OPCML: variants seen among roughly 807,000 people sequenced by gnomAD.
OPCML encodes opioid-binding protein/cell adhesion molecule.
Under a neutral mutation model 37.8 loss-of-function variants are expected in OPCML, and 13 were observed. That is an observed-to-expected ratio of 0.34 (90% CI 0.22 to 0.55). OPCML has a LOEUF of 0.55. OPCML is among the 20% of genes least tolerant of loss of function. OPCML has a pLI of 0.91. For synonymous variants in OPCML, 176 were observed against 168.8 expected, an observed-to-expected ratio of 1.04 and a Z score of -0.33; for missense variants, 341 against 435.6, an observed-to-expected ratio of 0.78 and a Z score of 1.93.
intron 1 of OPCML, among the ~76,000 whole-genome samples, chr11:133,343,970 C>T (rs1943937496): frequency 6.6e-6 from 1 of 152,236 alleles, no homozygotes; most frequent in Non-Finnish European, 1.5e-5. Context: ...TTATTCTGAA[C>T]TAATTGCCAG....
intron 2 of OPCML, chr11:132,810,932 G>T (rs2136225576): frequency 6.6e-6 from 1 of 152,308 alleles, no homozygotes; most frequent in African/African-American, 2.4e-5. Context: ...AAGATCTTCA[G>T]GTGCTGGGTG....
chr11:133,413,117 T>C (rs1398973912), intron 1 of OPCML, among the ~76,000 whole-genome samples: 1 of 152,020 alleles, frequency 6.6e-6, no homozygotes, highest in Admixed American at 6.6e-5. Context: ...ATGGTGGGGA[T>C]GTGGAGGGCA....
At chr11:133,506,466 G>T (rs1364919899) in intron 1 of OPCML, among the ~76,000 whole-genome samples, 1 of 152,148 alleles carries the variant, frequency 6.6e-6, no homozygotes, top group East Asian at 1.9e-4. Context: ...AAAGCTTCCA[G>T]CACAATATGT....
At chr11:133,524,652 T>C (rs1166195094) in intron 1 of OPCML, among the ~76,000 whole-genome samples, 3 of 152,254 alleles carry the variant, frequency 2.0e-5, no homozygotes, top group Non-Finnish European at 4.4e-5. Flanking sequence ...CAGTGTGCGA[T>C]GTGAGATCCA....
chr11:132,496,266 CTA>C (rs200291846), intron 4 of OPCML, among the ~76,000 whole-genome samples: 1 of 152,104 alleles, frequency 6.6e-6, no homozygotes, highest in East Asian at 1.9e-4. Context: ...AGTAAAAGTG[CTA>C]TATGTCTGAA....
At chr11:132,598,917 C>T (rs1937631400) in intron 3 of OPCML, among the ~76,000 whole-genome samples, 1 of 152,100 alleles carries the variant, frequency 6.6e-6, no homozygotes. Context: ...TAGCTCAGCC[C>T]TGAGTTTTGA....
intron 2 of OPCML, among the ~76,000 whole-genome samples, chr11:132,728,546 A>G (rs1437746863): frequency 6.6e-6 from 1 of 152,088 alleles, no homozygotes; most frequent in Non-Finnish European, 1.5e-5. Flanking sequence ...TTTTTTAATC[A>G]CCTGCTCACT....
chr11:133,200,537 C>T (rs995758405), intron 1 of OPCML, among the ~76,000 whole-genome samples: 10 of 152,116 alleles, frequency 6.6e-5, no homozygotes, highest in Non-Finnish European at 1.3e-4. Flanking sequence ...GTTTTCTGTA[C>T]GTGCAATCTC....
intron 4 of OPCML, among the ~76,000 whole-genome samples, chr11:132,488,235 C>A (rs777586577): frequency 1.3e-5 from 2 of 152,152 alleles, no homozygotes; most frequent in African/African-American, 4.8e-5. Flanking sequence ...GCCCTATAGA[C>A]AAAGTAATCA....
In OPCML at chr11:132,451,892, C is replaced by T. The variant is rs1004809711; in HGVS notation, c.506-14533G>A. Among the ~76,000 whole-genome samples the T allele has an allele frequency of 2.6e-5, 4 of 152,202 alleles. 1 individual carries two copies. Among genetic ancestry groups the T allele is most frequent in the Admixed American group, 1.3e-4 (2 of 15,284 alleles). On this transcript the variant is annotated intron_variant, in intron 4 of 7. Transcript: ENST00000524381. ...GTAACTTTCTAGGTTTTTTGTGCCC[C>T]GTTTTCTCTCTTCCTCTGTATTACC... is the stretch of plus-strand genomic sequence containing the variant.
At chr11:132,885,776 A>G (rs902468354) in intron 2 of OPCML, among the ~76,000 whole-genome samples, 4 of 152,220 alleles carry the variant, frequency 2.6e-5, no homozygotes, top group African/African-American at 9.6e-5. Context: ...CTCGTGGTAG[A>G]AAATCAAACA....
chr11:132,589,072 A>G (rs1005164885), intron 3 of OPCML, among the ~76,000 whole-genome samples: 1 of 152,214 alleles, frequency 6.6e-6, no homozygotes, highest in African/African-American at 2.4e-5. Context: ...AATAATGTCT[A>G]TGGATCCTTG....
At chr11:133,341,361 T>C (rs1335609152) in intron 1 of OPCML, among the ~76,000 whole-genome samples, 2 of 152,192 alleles carry the variant, frequency 1.3e-5, no homozygotes, top group Non-Finnish European at 2.9e-5. Context: ...CTCGACCAGA[T>C]AGACAACTTA....
chr11:133,176,208 G>A (rs1024794269), intron 1 of OPCML, among the ~76,000 whole-genome samples: 13 of 152,196 alleles, frequency 8.5e-5, no homozygotes, highest in African/African-American at 2.9e-4. Flanking sequence ...CAAGGTTTTA[G>A]GCTGGTGTAA....
intron 1 of OPCML, among the ~76,000 whole-genome samples, chr11:133,446,071 T>C (rs762591403): frequency 1.3e-5 from 2 of 152,222 alleles, no homozygotes; most frequent in Admixed American, 6.5e-5. Context: ...AAGTATGTTC[T>C]GCTCATTCTG....
chr11:133,354,471 ACAGAGG>A (rs1230440349), intron 1 of OPCML, among the ~76,000 whole-genome samples: 1 of 152,144 alleles, frequency 6.6e-6, no homozygotes, highest in Non-Finnish European at 1.5e-5. Flanking sequence ...CAGATTCAAT[ACAGAGG>A]CAGAGAGAAA....
intron 4 of OPCML, among the ~76,000 whole-genome samples, chr11:132,476,518 G>A (rs905920859): frequency 6.6e-6 from 1 of 151,998 alleles, no homozygotes; most frequent in Non-Finnish European, 1.5e-5. Context: ...CCATAAAAAA[G>A]GATGAGTTCA....
intron 2 of OPCML, among the ~76,000 whole-genome samples, chr11:132,705,119 G>A (rs1375677428): frequency 1.3e-5 from 2 of 152,168 alleles, no homozygotes; most frequent in Non-Finnish European, 2.9e-5. Flanking sequence ...GGGTGATATA[G>A]TTTGGATATG....
At chr11:132,536,657 T>G (rs2137338104) in intron 3 of OPCML, among the ~76,000 whole-genome samples, 1 of 152,334 alleles carries the variant, frequency 6.6e-6, no homozygotes, top group African/African-American at 2.4e-5. Flanking sequence ...CGAAAAGACT[T>G]TTAAGGATCC....
Sources: allele counts gnomAD v4.1 joint callset (sites outside exome capture counted in the v4.1 genomes callset), GRCh38; gene constraint gnomAD v4.1.1; transcripts MANE v1.5; gene names NCBI Gene and HGNC (gene_info 2026-07-23, HGNC 2026-07-21).